Variants in MINDY2 observed in about 807,000 individuals in gnomAD.
MINDY2 encodes the protein ubiquitin carboxyl-terminal hydrolase MINDY-2.
A neutral mutation model predicts 68.2 loss-of-function variants in MINDY2; 52 were observed. The ratio of observed to expected loss-of-function variants is 0.76; its 90% CI spans 0.61 to 0.96. The LOEUF (loss-of-function observed/expected upper bound fraction) is 0.96, where lower values mean the gene tolerates loss of function less well. Among genes scored for constraint, MINDY2 ranks in the 40% least tolerant of loss-of-function variants. The probability of loss-of-function intolerance (pLI) is 0.00; values close to 1 mark genes in which losing one functional copy is unlikely to be tolerated. For synonymous variants in MINDY2, 372 were observed against 303.0 expected (o/e 1.23, Z -2.36); for missense variants, 881 against 773.4 (o/e 1.14, Z -1.65).
rs189482368 is a variant in MINDY2 at position 58,830,199 on chromosome 15, C to A, written c.1226-1575C>A. Among the ~76,000 whole-genome samples, 15 of 152,264 alleles carry A rather than the reference C, an allele frequency of 9.9e-5. No individual in the cohort carries two copies. The East Asian group carries it at 2.3e-3, about 23-fold the overall frequency. On this transcript the variant is annotated intron_variant, in intron 5 of 8. Transcript: ENST00000559228. ...GAACACTGAATTAGTGAATGCTGAACCACTGTCCCTAGGATAAATATGAGT... is the reference window on the plus strand; with the variant it reads ...GAACACTGAATTAGTGAATGCTGAAACACTGTCCCTAGGATAAATATGAGT...
intron 6 of MINDY2, among the ~76,000 whole-genome samples, chr15:58,842,761 A>G (rs2032343910): frequency 6.6e-6 from 1 of 152,204 alleles, no homozygotes; most frequent in South Asian, 2.1e-4. Context: ...TATATGGATT[A>G]TCTCATTTAA....
In MINDY2 at chr15:58,861,143, T is replaced by C. The variant is rs550661986; in HGVS notation, c.*6533T>C. Reference sequence around the variant, plus strand: ...CTTGAATTGTGCAGAATAATTGGATTGAGGCACATATTTTGAGGAGTAGCA... The same window carrying C: ...CTTGAATTGTGCAGAATAATTGGATCGAGGCACATATTTTGAGGAGTAGCA... On this transcript the variant is annotated 3_prime_UTR_variant, in exon 9 of 9. Transcript: ENST00000559228. 3.3e-5 allele frequency: 5 copies of C among 152,344 alleles called. No individual in the cohort carries two copies. The East Asian group carries it at 9.6e-4, about 29-fold the overall frequency. The allele number at this position is 152,344 out of a possible 1,614,324, so 9.4% of individuals were successfully genotyped here.
In MINDY2 at chr15:58,840,271, T is replaced by C. The variant is rs142614543; in HGVS notation, c.1369-7026T>C. Among the ~76,000 whole-genome samples, 5 of 152,374 alleles carry C rather than the reference T, an allele frequency of 3.3e-5. No homozygotes were observed. In the East Asian group the frequency reaches 5.8e-4, roughly 18 times the overall value. ...ATATAGTACAAACAATGATTTTTATTGCACAGGACATTTTCCCTGACCACA... is the reference window on the plus strand; with the variant it reads ...ATATAGTACAAACAATGATTTTTATCGCACAGGACATTTTCCCTGACCACA... On this transcript the variant is annotated intron_variant, in intron 6 of 8. Transcript: ENST00000559228.
intron 1 of MINDY2, among the ~76,000 whole-genome samples, chr15:58,775,552 A>G (rs896970785): frequency 2.0e-5 from 3 of 152,212 alleles, no homozygotes; most frequent in African/African-American, 7.2e-5. Flanking sequence ...ATTGATGCAG[A>G]TAGCGCTTTG....
At chr15:58,781,773 G>A (rs1416101922) in intron 1 of MINDY2, among the ~76,000 whole-genome samples, 2 of 151,992 alleles carry the variant, frequency 1.3e-5, no homozygotes, top group Non-Finnish European at 2.9e-5. Flanking sequence ...TGTGGTGGCG[G>A]GCGCCTGTAA....
In MINDY2 at chr15:58,820,786, T is replaced by A. The variant is rs187860058; in HGVS notation, c.1123-931T>A. Among the ~76,000 whole-genome samples the A allele has an allele frequency of 4.3e-3, 655 of 152,268 alleles. 25 individuals carry two copies. Among genetic ancestry groups the A allele is most frequent in the Admixed American group, 0.036 (547 of 15,290 alleles). On this transcript the variant is annotated intron_variant, in intron 4 of 8. Transcript: ENST00000559228. ...CTGTGAGTATTGTGCAGATATATGT[T>A]GAGACCTGTGGTATTCAAAGAGTAA...
In MINDY2 at chr15:58,846,034, G is replaced by A. The variant is rs1281120312; in HGVS notation, c.1369-1263G>A. ...CCTGGAGATAGAGAGTAGAATGATGGTTACCAGAGGCTGGGATGCATATTT... is the reference window on the plus strand; with the variant it reads ...CCTGGAGATAGAGAGTAGAATGATGATTACCAGAGGCTGGGATGCATATTT... On this transcript the variant is annotated intron_variant, in intron 6 of 8. Transcript: ENST00000559228. Among the ~76,000 whole-genome samples, 5 of 151,296 alleles carry A rather than the reference G, an allele frequency of 3.3e-5. No homozygotes were observed. The South Asian group carries it at 8.4e-4, about 25-fold the overall frequency.
chr15:58,807,808 T>C (rs140537036), intron 3 of MINDY2, among the ~76,000 whole-genome samples: 117 of 152,332 alleles, frequency 7.7e-4, no homozygotes, highest in African/African-American at 2.8e-3. Context: ...CTTTTCACTT[T>C]TATTTTGTCC....
intron 5 of MINDY2, 37 bp downstream of exon 5, chr15:58,821,856 C>A: frequency 7.2e-7 from 1 of 1,397,156 alleles, no homozygotes; most frequent in Non-Finnish European, 9.8e-7. Context: ...TTTTGAAATT[C>A]TTGGCAAGAT....
chr15:58,792,547 A>T (rs1264995918), intron 2 of MINDY2, among the ~76,000 whole-genome samples: 2 of 152,210 alleles, frequency 1.3e-5, no homozygotes, highest in African/African-American at 2.4e-5. Flanking sequence ...CGGACGTTGC[A>T]GTGAGCCGAG....
At chr15:58,827,195 T>A (rs1198807527) in intron 5 of MINDY2, among the ~76,000 whole-genome samples, 1 of 152,220 alleles carries the variant, frequency 6.6e-6, no homozygotes, top group Admixed American at 6.5e-5. Flanking sequence ...GTTTTTATAT[T>A]GTAAAGATGT....
intron 1 of MINDY2, among the ~76,000 whole-genome samples, chr15:58,778,538 C>T (rs1450560336): frequency 1.4e-5 from 2 of 140,696 alleles, no homozygotes; most frequent in Admixed American, 1.4e-4. Flanking sequence ...AGACACACAC[C>T]AAAAAAAAAA....
rs147724434 is a variant in MINDY2 at position 58,851,561 on chromosome 15, C to T, written c.1543-210C>T. On this transcript the variant is annotated intron_variant, in intron 7 of 8. Coordinates refer to ENST00000559228, the MANE Select transcript of MINDY2 (RefSeq NM_001040450.3). ...TGAAGCAATCCTCCTGCCTCAGCCT[C>T]CCAAGTAGCTAGGACTATAGGTGCA... is the stretch of plus-strand genomic sequence containing the variant. Among the ~76,000 whole-genome samples the T allele has an allele frequency of 4.2e-3, 640 of 152,142 alleles. 4 individuals are homozygous for T. Among genetic ancestry groups the T allele is most frequent in the African/African-American group, 0.015 (621 of 41,522 alleles).
chr15:58,799,247 G>A (rs1902477729), intron 2 of MINDY2, among the ~76,000 whole-genome samples: 1 of 152,120 alleles, frequency 6.6e-6, no homozygotes. Flanking sequence ...CCATTTCTCT[G>A]GAGAAAAAAG....
In MINDY2 at chr15:58,787,920, G is replaced by A. The variant is rs754804718; in HGVS notation, c.855G>A (p.Pro285=). ...LLLAWKVKLP[P]MMEIITAEQL... ...TTGTTTTTCAGGTGAAACTTCCACCGATGATGGAAATCATAACTGCTGAGC... is the reference window on the plus strand; with the variant it reads ...TTGTTTTTCAGGTGAAACTTCCACCAATGATGGAAATCATAACTGCTGAGC... The change falls in exon 2 of 9, where the codon CCG becomes CCA. Residue 285 remains proline (P), a synonymous_variant. Transcript: ENST00000559228. The A allele has an allele frequency of 3.8e-6, 6 of 1,594,148 alleles. No homozygotes were observed. The highest frequency in any genetic ancestry group is 2.3e-5 in the East Asian group (1 of 44,294).
At chr15:58,841,012 C>G (rs1172232669) in intron 6 of MINDY2, among the ~76,000 whole-genome samples, 10 of 137,596 alleles carry the variant, frequency 7.3e-5, no homozygotes, top group Admixed American at 4.5e-4. Flanking sequence ...GAGACACTTT[C>G]ATTCTGTCAC....
intron 6 of MINDY2, among the ~76,000 whole-genome samples, chr15:58,840,628 CTTA>C (rs71119408): frequency 0.26 from 35,457 of 138,982 alleles, 4,537 homozygotes; most frequent in South Asian, 0.33. Flanking sequence ...TATTTATTTA[CTTA>C]TTATTATTAT....
chr15:58,857,605 A>G lies in MINDY2; in HGVS notation c.*2995A>G, dbSNP rs564726920. The G allele has an allele frequency of 1.5e-4, 23 of 151,168 alleles. No homozygotes were observed. Among genetic ancestry groups the G allele is most frequent in the Non-Finnish European group, 2.8e-4 (19 of 67,850 alleles). The allele number at this position is 151,168 out of a possible 1,614,324, so 9.4% of individuals were successfully genotyped here. A position where few individuals can be genotyped will look rare whatever the true frequency, so the allele number is the denominator to read the frequency against. ...CTTAAATTTTGCCCAAGGTAACGTT[A>G]TATATCCCACCACTTCATTGCTGGT... On this transcript the variant is annotated 3_prime_UTR_variant, in exon 9 of 9. Transcript: ENST00000559228.
intron 7 of MINDY2, 143 bp downstream of exon 7, chr15:58,847,613 A>G (rs1370063573): frequency 1.5e-5 from 9 of 609,856 alleles, no homozygotes; most frequent in African/African-American, 9.1e-5. Context: ...ATAGTTGGTG[A>G]TCATTCTACA....
Sources: allele counts gnomAD v4.1 joint callset (sites outside exome capture counted in the v4.1 genomes callset), GRCh38; gene constraint gnomAD v4.1.1; transcripts MANE v1.5; gene names NCBI Gene and HGNC (gene_info 2026-07-23, HGNC 2026-07-21).